The following GALNT13 variants were observed in gnomAD, a reference collection of about 807,000 sequenced individuals.
The protein encoded by GALNT13 is polypeptide N-acetylgalactosaminyltransferase 13, also known as UDP-GalNAc:polypeptide N-acetylgalactosaminyltransferase 13.
GALNT13 carries 28 observed loss-of-function variants against 64.2 expected under a neutral mutation model. The observed-to-expected ratio is 0.44, with a 90% CI of 0.32 to 0.60. The LOEUF (loss-of-function observed/expected upper bound fraction) is 0.60, where lower values mean the gene tolerates loss of function less well. Ranked by LOEUF, GALNT13 falls within the 20% of genes least tolerant of loss-of-function variation. The pLI, the probability that GALNT13 is intolerant of heterozygous loss-of-function variation, is 0.05. For synonymous variants in GALNT13, 214 were observed against 224.6 expected, an observed-to-expected ratio of 0.95 and a Z score of 0.42; for missense variants, 577 against 669.8, an observed-to-expected ratio of 0.86 and a Z score of 1.53.
At chr2:153,226,834 C>T in the GALNT13 span, among the ~76,000 whole-genome samples, 126,742 of 152,178 alleles carry the variant, frequency 0.83, 53,978 homozygotes, top group African/African-American at 0.91. Context: ...GCATCCAGCT[C>T]GGTTAATTGT....
At chr2:153,767,963 C>T in the GALNT13 span, among the ~76,000 whole-genome samples, 2 of 151,944 alleles carry the variant, frequency 1.3e-5, no homozygotes, top group Non-Finnish European at 2.9e-5. Context: ...AATTAAATCC[C>T]ATTTGTCTAT....
At chr2:153,312,621 G>C in the GALNT13 span, among the ~76,000 whole-genome samples, 7 of 152,258 alleles carry the variant, frequency 4.6e-5, no homozygotes, top group East Asian at 1.4e-3. Flanking sequence ...AAAAGTGGCA[G>C]CATCAAATCT....
At chr2:153,127,860 A>C in the GALNT13 span, among the ~76,000 whole-genome samples, 3 of 152,206 alleles carry the variant, frequency 2.0e-5, no homozygotes, top group African/African-American at 7.2e-5. Context: ...ACTGATGAGC[A>C]CCTTAAAGTT....
chr2:154,254,218 CA>C (rs558530584), intron 7 of GALNT13, among the ~76,000 whole-genome samples: 5 of 152,270 alleles, frequency 3.3e-5, no homozygotes, highest in South Asian at 4.1e-4. Flanking sequence ...TTACCAGTAA[CA>C]GCTAAACACT....
intron 11 of GALNT13, among the ~76,000 whole-genome samples, chr2:154,421,517 T>C (rs1361714986): frequency 6.6e-6 from 1 of 152,110 alleles, no homozygotes; most frequent in Non-Finnish European, 1.5e-5. Flanking sequence ...AATTATATAC[T>C]CATGATGTCA....
chr2:153,324,202 C>G, the GALNT13 span, among the ~76,000 whole-genome samples: 2 of 152,120 alleles, frequency 1.3e-5, no homozygotes, highest in African/African-American at 4.8e-5. Flanking sequence ...TTGAAGAAGT[C>G]CTTCACATTC....
At chr2:153,961,069 G>A (rs1038854050) in intron 3 of GALNT13, among the ~76,000 whole-genome samples, 2 of 152,036 alleles carry the variant, frequency 1.3e-5, no homozygotes, top group Non-Finnish European at 2.9e-5. Context: ...TTGTATATCA[G>A]TTATACCTCA....
intron 1 of GALNT13, among the ~76,000 whole-genome samples, chr2:153,874,696 C>A: frequency 6.6e-6 from 1 of 152,086 alleles, no homozygotes. Flanking sequence ...TCCACCTCCC[C>A]GCTCCTTTTT....
At chr2:153,388,153 T>G in the GALNT13 span, among the ~76,000 whole-genome samples, 3 of 152,010 alleles carry the variant, frequency 2.0e-5, no homozygotes, top group African/African-American at 7.2e-5. Context: ...AGTCAACCTT[T>G]CCCTGTTGTC....
At chr2:154,134,092 T>G (rs1373018786) in intron 3 of GALNT13, among the ~76,000 whole-genome samples, 3 of 152,124 alleles carry the variant, frequency 2.0e-5, no homozygotes, top group African/African-American at 7.2e-5. Context: ...TCATTTCTAT[T>G]CTCGGTTAAG....
At chr2:154,070,376 G>A (rs1700678612) in intron 3 of GALNT13, among the ~76,000 whole-genome samples, 2 of 152,068 alleles carry the variant, frequency 1.3e-5, no homozygotes, top group Admixed American at 6.6e-5. Flanking sequence ...ATGGTTCCAT[G>A]TATTGATAAT....
At chr2:153,948,149 GC>G (rs1691905963) in intron 3 of GALNT13, among the ~76,000 whole-genome samples, 1 of 151,780 alleles carries the variant, frequency 6.6e-6, no homozygotes, top group Admixed American at 6.6e-5. Context: ...GCTTAGGATT[GC>G]TTTGACTTTT....
chr2:153,094,716 C>A, the GALNT13 span, among the ~76,000 whole-genome samples: 1 of 152,044 alleles, frequency 6.6e-6, no homozygotes, highest in Non-Finnish European at 1.5e-5. Flanking sequence ...CAGAACAGAG[C>A]CCTCAGAAAC....
intron 9 of GALNT13, among the ~76,000 whole-genome samples, chr2:154,325,281 C>T (rs750948375): frequency 6.6e-6 from 1 of 152,122 alleles, no homozygotes; most frequent in Non-Finnish European, 1.5e-5. Flanking sequence ...ATGGTCATCC[C>T]AAACAGAAAA....
At chr2:153,393,219 C>T in the GALNT13 span, among the ~76,000 whole-genome samples, 1 of 151,762 alleles carries the variant, frequency 6.6e-6, no homozygotes, top group Non-Finnish European at 1.5e-5. Flanking sequence ...GACCAATCGA[C>T]TAATCTTAAT....
At chr2:153,639,432 GA>G in the GALNT13 span, among the ~76,000 whole-genome samples, 1 of 152,114 alleles carries the variant, frequency 6.6e-6, no homozygotes, top group Non-Finnish European at 1.5e-5. Flanking sequence ...TATGGGAAGA[GA>G]GGAATTCAAG....
chr2:153,505,596 G>A, the GALNT13 span, among the ~76,000 whole-genome samples: 12 of 151,862 alleles, frequency 7.9e-5, no homozygotes, highest in African/African-American at 1.7e-4. Context: ...TTAAAAATTC[G>A]TTTCATTGTT....
chr2:153,822,548 A>G, the GALNT13 span, among the ~76,000 whole-genome samples: 1 of 152,216 alleles, frequency 6.6e-6, no homozygotes, highest in Non-Finnish European at 1.5e-5. Flanking sequence ...CATGATAAAA[A>G]TCCTGAACAA....
chr2:154,407,068 A>G (rs71419005), intron 10 of GALNT13, among the ~76,000 whole-genome samples: 15,399 of 152,144 alleles, frequency 0.1, 948 homozygotes, highest in Non-Finnish European at 0.14. Context: ...CTGTCAGAGT[A>G]TGTACTAGGC....
Sources: gnomAD v4.1 joint callset for allele counts (sites outside exome capture counted in the v4.1 genomes callset) on GRCh38, gnomAD v4.1.1 for gene constraint, MANE v1.5 for transcripts, NCBI Gene and HGNC (gene_info 2026-07-23, HGNC 2026-07-21) for gene names.